ARFGEF3: variants seen among roughly 807,000 people sequenced by gnomAD.
ARFGEF3 encodes brefeldin A-inhibited guanine nucleotide-exchange protein 3.
Under a neutral mutation model 221.7 loss-of-function variants are expected in ARFGEF3, and 96 were observed. The observed-to-expected ratio is 0.43, with a 90% CI of 0.37 to 0.51. ARFGEF3 has a LOEUF of 0.51. Among genes scored for constraint, ARFGEF3 ranks in the 20% least tolerant of loss-of-function variants. The pLI, the probability that ARFGEF3 is intolerant of heterozygous loss-of-function variation, is 0.00. For synonymous variants in ARFGEF3, 1,145 were observed against 1,126.8 expected (o/e 1.02, Z -0.32); for missense variants, 2,410 against 2,789.9 (o/e 0.86, Z 3.07).
chr6:138,200,692 TTAAACC>T (rs1213746496), intron 2 of ARFGEF3, among the ~76,000 whole-genome samples: 1 of 152,200 alleles, frequency 6.6e-6, no homozygotes, highest in African/African-American at 2.4e-5. Flanking sequence ...GATTAAGGAC[TTAAACC>T]TAAGACCTGA....
intron 32 of ARFGEF3, among the ~76,000 whole-genome samples, chr6:138,332,950 TTTTCCTAC>T: frequency 6.6e-6 from 1 of 152,320 alleles, no homozygotes; most frequent in Non-Finnish European, 1.5e-5. Flanking sequence ...GAAAAGCACT[TTTTCCTAC>T]TTACACAAAT....
intron 27 of ARFGEF3, among the ~76,000 whole-genome samples, chr6:138,319,369 A>G (rs1562214604): frequency 5.9e-5 from 9 of 151,824 alleles, no homozygotes. Flanking sequence ...TCATAAATGT[A>G]TGATTTCAAA....
chr6:138,191,308 C>G (rs967375225), intron 2 of ARFGEF3, among the ~76,000 whole-genome samples: 1 of 152,080 alleles, frequency 6.6e-6, no homozygotes, highest in Non-Finnish European at 1.5e-5. Context: ...TTACATATCA[C>G]ATAGCGTGTT....
Position 138,258,461 on chromosome 6 carries a change from G to C in ARFGEF3, c.1104+2692G>C. 1.3e-5 allele frequency among the ~76,000 whole-genome samples: 2 copies of C among 152,210 alleles called. 1 individual carries two copies. The highest frequency in any genetic ancestry group is 2.9e-5 in the Non-Finnish European group (2 of 68,040). ...TTCATGTTGTGAGTCGTAAGGCTAAGACAGTGAAGCCTGGTGTTCTAAGTA... is the reference window on the plus strand; with the variant it reads ...TTCATGTTGTGAGTCGTAAGGCTAACACAGTGAAGCCTGGTGTTCTAAGTA... On this transcript the variant is annotated intron_variant, in intron 10 of 33. Coordinates refer to ENST00000251691, the MANE Select transcript of ARFGEF3 (RefSeq NM_020340.5).
At chr6:138,230,007 G>A (rs1356168480) in intron 5 of ARFGEF3, among the ~76,000 whole-genome samples, 155 bp downstream of exon 5, 9 of 152,168 alleles carry the variant, frequency 5.9e-5, no homozygotes, top group South Asian at 2.1e-4. Flanking sequence ...TGTGGGAAGC[G>A]TGCTGTGTGG....
chr6:138,194,621 G>A (rs957741190), intron 2 of ARFGEF3, among the ~76,000 whole-genome samples: 4 of 152,200 alleles, frequency 2.6e-5, no homozygotes, highest in African/African-American at 9.7e-5. Flanking sequence ...AAGAAGCAAG[G>A]TTAAGTAGAC....
chr6:138,323,855 G>T, intron 30 of ARFGEF3, 82 bp downstream of exon 30: 1 of 1,540,824 alleles, frequency 6.5e-7, no homozygotes, highest in East Asian at 2.2e-5. Flanking sequence ...GGGCACATGG[G>T]TTCTGCCTCC....
chr6:138,302,680 A>C (rs1779648325), intron 22 of ARFGEF3, among the ~76,000 whole-genome samples: 1 of 152,236 alleles, frequency 6.6e-6, no homozygotes, highest in Non-Finnish European at 1.5e-5. Context: ...TGCTAGGATT[A>C]ATGCTAGGAT....
chr6:138,227,774 A>C (rs1778112063), intron 4 of ARFGEF3, among the ~76,000 whole-genome samples: 1 of 152,240 alleles, frequency 6.6e-6, no homozygotes. Flanking sequence ...CAAGTCATTT[A>C]TGAGACTGAT....
chr6:138,163,957 G>A (rs1217601721), intron 1 of ARFGEF3, among the ~76,000 whole-genome samples: 1 of 152,202 alleles, frequency 6.6e-6, no homozygotes, highest in Non-Finnish European at 1.5e-5. Flanking sequence ...GGCTTTTGAA[G>A]TAGATTTCAC....
chr6:138,293,885 T>C, intron 19 of ARFGEF3, 108 bp from the exon 20 acceptor site: 1 of 1,094,410 alleles, frequency 9.1e-7, no homozygotes, highest in South Asian at 1.5e-5. Context: ...CTACAGTGTT[T>C]ACACAGCATT....
chr6:138,172,692 A>G (rs900159956), intron 2 of ARFGEF3, among the ~76,000 whole-genome samples: 3 of 152,210 alleles, frequency 2.0e-5, no homozygotes, highest in Non-Finnish European at 2.9e-5. Context: ...GCTTACAACT[A>G]TAAAGGTAAA....
In ARFGEF3 at chr6:138,291,688, G is replaced by C. The variant is rs984722293; in HGVS notation, c.3048-45G>C. 2.1e-5 allele frequency: 26 copies of C among 1,266,028 alleles called. No homozygotes were observed. The highest frequency in any genetic ancestry group is 2.5e-5 in the Non-Finnish European group (25 of 986,416). The allele number at this position is 1,266,028 out of a possible 1,614,324, so 78.4% of individuals were successfully genotyped here. A position where few individuals can be genotyped will look rare whatever the true frequency, so the allele number is the denominator to read the frequency against. ...ACTGTGGGGTTTATGGAGCTGCCGG[G>C]GTGAGCTGCAGCGCCTAACAGCTGC... On this transcript the variant is annotated intron_variant, in intron 18 of 33. Transcript: ENST00000251691. This position sits in a 1 kb window ranked among gnomAD's most constrained non-coding sequence, Gnocchi z 4.5.
intron 2 of ARFGEF3, 70 bp from the exon 3 acceptor site, chr6:138,206,972 A>C (rs1777635228): frequency 1.6e-6 from 2 of 1,259,490 alleles, no homozygotes; most frequent in South Asian, 2.6e-5. Flanking sequence ...GTGGGTGTAC[A>C]TAAGGCTTAC....
chr6:138,169,460 C>T (rs1776785255), intron 1 of ARFGEF3, among the ~76,000 whole-genome samples: 1 of 152,168 alleles, frequency 6.6e-6, no homozygotes, highest in Admixed American at 6.5e-5. Flanking sequence ...GACTATATAT[C>T]CCTCTGTCCT....
Position 138,334,472 on chromosome 6 carries a change from G to C in ARFGEF3, c.5626G>C (p.Glu1876Gln). The C allele has an allele frequency of 6.2e-7, 1 of 1,610,218 alleles. No individual in the cohort carries two copies. The highest frequency in any genetic ancestry group is 8.5e-7 in the Non-Finnish European group (1 of 1,177,996). Residue 1876 changes from glutamate (E) to glutamine (Q), a missense_variant, in exon 33 of 34, where the codon GAG becomes CAG. This residue lies in a region of ARFGEF3 where 723 missense variants were observed against 991.9 expected (regional missense o/e 0.73). Coordinates refer to ENST00000251691, the MANE Select transcript of ARFGEF3 (RefSeq NM_020340.5). The surrounding 1 kb of genome is among the most constrained non-coding windows in gnomAD (Gnocchi z 5.1). The part of the protein sequence containing the change: ...TAQVSPPRGK[E>Q]KRQWRARMPL... ...CCAGGTCAGCCCCCCGAGAGGCAAG[G>C]AGAAGAGACAGTGGCGGGCACGGAT... is the stretch of plus-strand genomic sequence containing the variant.
At chr6:138,168,882 T>C (rs1299339490) in intron 1 of ARFGEF3, among the ~76,000 whole-genome samples, 1 of 152,278 alleles carries the variant, frequency 6.6e-6, no homozygotes, top group East Asian at 1.9e-4. Flanking sequence ...AATGAGAATG[T>C]GCACTCCATG....
At chr6:138,200,865 A>G (rs1325000567) in intron 2 of ARFGEF3, among the ~76,000 whole-genome samples, 1 of 152,260 alleles carries the variant, frequency 6.6e-6, no homozygotes, top group Non-Finnish European at 1.5e-5. Context: ...TGGCAAAAGG[A>G]ATAGTCAGCA....
rs1283368384 is a variant in ARFGEF3, at chr6:138,287,128, T to C, written c.2840T>C (p.Val947Ala). The C allele has an allele frequency of 6.3e-7, 1 of 1,577,302 alleles. No homozygotes were observed. Among genetic ancestry groups the C allele is most frequent in the Admixed American group, 1.8e-5 (1 of 54,420 alleles). ...ALAQMAAASC[V>A]QEEKEEREAQ... ...GCCCAGATGGCAGCTGCCTCCTGTG[T>C]CCAAGAAGAAAAAGAAGAGAGGGAG... The change falls in exon 17 of 34, where the codon GTC (valine) becomes GCC (alanine). Residue 947 changes from valine (V) to alanine (A), a missense_variant. This residue lies in a region of ARFGEF3 where 594 missense variants were observed against 734.3 expected (regional missense o/e 0.81). Coordinates refer to ENST00000251691, the MANE Select transcript of ARFGEF3 (RefSeq NM_020340.5).
Sources: allele counts gnomAD v4.1 joint callset (sites outside exome capture counted in the v4.1 genomes callset), GRCh38; gene constraint gnomAD v4.1.1; regional missense constraint gnomAD v4.1.1; non-coding constraint Gnocchi (gnomAD v3.1); transcripts MANE v1.5; gene names NCBI Gene and HGNC (gene_info 2026-07-23, HGNC 2026-07-21).